Variants in NGEF observed in about 807,000 individuals in gnomAD.
NGEF encodes ephexin-1.
In NGEF, 31 loss-of-function variants were observed where a neutral mutation model predicts 80.9. The ratio of observed to expected loss-of-function variants is 0.38; its 90% CI spans 0.29 to 0.52. NGEF has a LOEUF of 0.52. Among genes scored for constraint, NGEF ranks in the 20% least tolerant of loss-of-function variants. The pLI is 0.84. For synonymous variants in NGEF, 371 were observed against 370.2 expected, an observed-to-expected ratio of 1.00 and a Z score of -0.03; for missense variants, 709 against 926.2, an observed-to-expected ratio of 0.77 and a Z score of 3.04.
chr2:232,943,456 T>C (rs1037017065), intron 3 of NGEF, among the ~76,000 whole-genome samples: 1 of 151,880 alleles, frequency 6.6e-6, no homozygotes, highest in African/African-American at 2.4e-5. Flanking sequence ...GCCTGTGCTG[T>C]CTCCACCGAC....
chr2:232,882,932 C>T (rs546666901), intron 12 of NGEF, among the ~76,000 whole-genome samples: 3 of 152,270 alleles, frequency 2.0e-5, no homozygotes, highest in South Asian at 2.1e-4. Flanking sequence ...GAGCTCAATG[C>T]CACACAGCAA....
intron 3 of NGEF, among the ~76,000 whole-genome samples, chr2:232,965,540 C>A (rs1400460564): frequency 6.6e-6 from 1 of 152,044 alleles, no homozygotes; most frequent in Admixed American, 6.6e-5. Flanking sequence ...TGGGTGAGGA[C>A]CCCGGGAGTC....
chr2:232,896,884 G>A (rs1407329730), intron 5 of NGEF, among the ~76,000 whole-genome samples: 1 of 119,260 alleles, frequency 8.4e-6, no homozygotes, highest in African/African-American at 3.4e-5. Context: ...GAGGGTGTGG[G>A]TAGGTGTGAG....
intron 1 of NGEF, among the ~76,000 whole-genome samples, chr2:232,997,612 C>T (rs917421835): frequency 1.3e-5 from 2 of 152,092 alleles, no homozygotes; most frequent in African/African-American, 4.8e-5. Flanking sequence ...AGGGCTCTGG[C>T]GAAGCATCCC....
intron 1 of NGEF, among the ~76,000 whole-genome samples, chr2:233,002,766 T>C (rs923542133): frequency 6.6e-6 from 1 of 152,218 alleles, no homozygotes; most frequent in African/African-American, 2.4e-5. Context: ...CCAGAGCATG[T>C]TTCTGTTCGG....
intron 5 of NGEF, among the ~76,000 whole-genome samples, chr2:232,903,460 A>C (rs560723328): frequency 1.5e-3 from 228 of 151,588 alleles, no homozygotes; most frequent in African/African-American, 5.4e-3. Flanking sequence ...ACACACACAC[A>C]CCTGAATATG....
intron 5 of NGEF, chr2:232,901,374 C>T: frequency 1.0e-6 from 1 of 985,544 alleles, no homozygotes; most frequent in South Asian, 4.7e-5. Context: ...ACACGGTCTC[C>T]TTATGATCCA....
chr2:232,932,826 G>A (rs1693244477), intron 3 of NGEF, among the ~76,000 whole-genome samples: 1 of 151,968 alleles, frequency 6.6e-6, no homozygotes, highest in Admixed American at 6.6e-5. Flanking sequence ...ACTAAGGGCC[G>A]AGTGCGGTGG....
chr2:232,983,050 G>C (rs1478086967), intron 1 of NGEF, among the ~76,000 whole-genome samples: 1 of 152,214 alleles, frequency 6.6e-6, no homozygotes, highest in Non-Finnish European at 1.5e-5. Flanking sequence ...AATCACACAG[G>C]GAGACAGCTG....
intron 1 of NGEF, among the ~76,000 whole-genome samples, chr2:232,981,703 TA>T (rs1694432672): frequency 6.6e-6 from 1 of 152,132 alleles, no homozygotes; most frequent in Non-Finnish European, 1.5e-5. Context: ...CCTGCCAAAT[TA>T]TCCTTAAAAA....
intron 3 of NGEF, chr2:232,927,800 G>T: frequency 1.3e-6 from 1 of 784,080 alleles, no homozygotes; most frequent in Non-Finnish European, 1.7e-6. Flanking sequence ...GTGGGGATAG[G>T]CCGCGCAGGG....
intron 3 of NGEF, among the ~76,000 whole-genome samples, chr2:232,966,778 T>G (rs748928069): frequency 6.6e-6 from 1 of 152,206 alleles, no homozygotes; most frequent in African/African-American, 2.4e-5. Flanking sequence ...CCTTGGCCCC[T>G]TGGACTCTTG....
chr2:233,000,176 A>C (rs912801060), intron 1 of NGEF, among the ~76,000 whole-genome samples: 3 of 152,012 alleles, frequency 2.0e-5, no homozygotes, highest in African/African-American at 7.3e-5. Context: ...GCTCACTGCA[A>C]CCTCCACCAC....
chr2:232,979,095 C>A (rs1181735916), intron 1 of NGEF, among the ~76,000 whole-genome samples: 1 of 152,066 alleles, frequency 6.6e-6, no homozygotes, highest in East Asian at 1.9e-4. Context: ...GACCTGGGTT[C>A]GAATCTCCAT....
At chr2:232,947,484 T>TCCCCCATG (rs931006936) in intron 3 of NGEF, among the ~76,000 whole-genome samples, 5 of 152,238 alleles carry the variant, frequency 3.3e-5, no homozygotes, top group South Asian at 4.2e-4. Context: ...GGGGGCGATT[T>TCCCCCATG]CCCCCATGCT....
chr2:232,999,506 T>C (rs919041576), intron 1 of NGEF, among the ~76,000 whole-genome samples: 1 of 152,214 alleles, frequency 6.6e-6, no homozygotes, highest in Non-Finnish European at 1.5e-5. Flanking sequence ...GGGGTGCCTA[T>C]TTTATTCAAG....
At chr2:232,957,405 C>T (rs1185476942) in intron 3 of NGEF, among the ~76,000 whole-genome samples, 1 of 152,104 alleles carries the variant, frequency 6.6e-6, no homozygotes, top group Admixed American at 6.6e-5. Context: ...TCACTGCAAC[C>T]TCTGCCTCCC....
intron 11 of NGEF, 122 bp downstream of exon 11, chr2:232,883,859 A>T (rs2106214280): frequency 9.3e-7 from 1 of 1,071,748 alleles, no homozygotes. Context: ...ACAGACCTTT[A>T]AACCTGACCG....
chr2:232,927,810 GGGTGCCCGGGACCCC>G lies in NGEF; in HGVS notation c.384-639_384-625del, dbSNP rs935436591. On this transcript the variant is annotated intron_variant, in intron 3 of 14. Transcript: ENST00000264051. Reference sequence around the variant, plus strand: ...GAGGAGTGGGGATAGGCCGCGCAGGGGGTGCCCGGGACCCCGGGCGCAAGCTGGGAAAGAGGCACG... The same window carrying G: ...GAGGAGTGGGGATAGGCCGCGCAGGGGGGCGCAAGCTGGGAAAGAGGCACG... 48 of 887,394 alleles carry G rather than the reference GGGTGCCCGGGACCCC, an allele frequency of 5.4e-5. No homozygotes were observed. The African/African-American group carries it at 7.6e-4, about 14-fold the overall frequency. 55.0% of individuals were successfully genotyped at this position (887,394 alleles called of 1,614,324 possible). A position where few individuals can be genotyped will look rare whatever the true frequency, so the allele number is the denominator to read the frequency against.
Sources: allele counts gnomAD v4.1 joint callset (sites outside exome capture counted in the v4.1 genomes callset), GRCh38; gene constraint gnomAD v4.1.1; transcripts MANE v1.5; gene names NCBI Gene and HGNC (gene_info 2026-07-23, HGNC 2026-07-21).